Variants in CFAP90 observed in about 807,000 individuals in gnomAD.
The protein encoded by CFAP90 is cilia and flagella associated protein 90.
At chr5:7,831,786 T>G in the CFAP90 span, 8 of 1,510,226 alleles carry the variant, frequency 5.3e-6, no homozygotes, top group Non-Finnish European at 7.2e-6. Context: ...GATGCCACCT[T>G]CTCGCTGTGC....
At chr5:7,842,009 C>G in the CFAP90 span, among the ~76,000 whole-genome samples, 1 of 152,088 alleles carries the variant, frequency 6.6e-6, no homozygotes, top group Non-Finnish European at 1.5e-5. Context: ...TGGTGACACC[C>G]AGATTTCAGG....
At chr5:7,834,655 T>C in the CFAP90 span, among the ~76,000 whole-genome samples, 8 of 152,116 alleles carry the variant, frequency 5.3e-5, no homozygotes, top group African/African-American at 1.9e-4. Context: ...TACACAAGTG[T>C]ATCATTTTTA....
At chr5:7,850,802 GC>G in the CFAP90 span, 4 of 651,102 alleles carry the variant, frequency 6.1e-6, no homozygotes, top group Non-Finnish European at 7.4e-6. Flanking sequence ...CCGCCCAGCC[GC>G]CCAGCCGCCC....
chr5:7,842,054 C>T, the CFAP90 span, among the ~76,000 whole-genome samples: 1 of 152,092 alleles, frequency 6.6e-6, no homozygotes, highest in Non-Finnish European at 1.5e-5. Context: ...GAAGAAATTT[C>T]TGTTGTTTTA....
the CFAP90 span, among the ~76,000 whole-genome samples, chr5:7,833,652 C>A: frequency 6.6e-6 from 1 of 152,172 alleles, no homozygotes; most frequent in East Asian, 1.9e-4. Flanking sequence ...CACATGTACA[C>A]ACATGTATGC....
the CFAP90 span, among the ~76,000 whole-genome samples, chr5:7,836,011 C>T: frequency 3.3e-5 from 5 of 152,188 alleles, 1 homozygote; most frequent in South Asian, 1.0e-3. Context: ...GGTGTCTTCT[C>T]CCTGTATCCT....
At chr5:7,835,365 TTC>T in the CFAP90 span, 1 of 1,384,102 alleles carries the variant, frequency 7.2e-7, no homozygotes, top group Admixed American at 1.9e-5. Context: ...CTTGTTAATA[TTC>T]TGTCTTAATA....
chr5:7,831,818 A>G, the CFAP90 span: 1 of 1,589,878 alleles, frequency 6.3e-7, no homozygotes, highest in Middle Eastern at 2.2e-4. Flanking sequence ...GCCACAGGGT[A>G]TCGGACATGC....
chr5:7,847,743 C>T, the CFAP90 span, among the ~76,000 whole-genome samples: 5 of 152,182 alleles, frequency 3.3e-5, no homozygotes, highest in African/African-American at 1.2e-4. Flanking sequence ...CATCTCTCTG[C>T]CCTTTGGTTA....
At chr5:7,841,062 C>T in the CFAP90 span, among the ~76,000 whole-genome samples, 1 of 152,070 alleles carries the variant, frequency 6.6e-6, no homozygotes, top group Non-Finnish European at 1.5e-5. Flanking sequence ...AGACAACCTA[C>T]AGAATGGGAG....
chr5:7,841,999 T>G, the CFAP90 span, among the ~76,000 whole-genome samples: 6 of 152,116 alleles, frequency 3.9e-5, no homozygotes, highest in Admixed American at 1.3e-4. Flanking sequence ...AAAAAAATCC[T>G]GGTGACACCC....
chr5:7,840,512 T>G, the CFAP90 span, among the ~76,000 whole-genome samples: 3 of 151,966 alleles, frequency 2.0e-5, no homozygotes. Flanking sequence ...ATAAGAGAGG[T>G]GTGCACAAAG....
At chr5:7,846,912 T>A in the CFAP90 span, among the ~76,000 whole-genome samples, 1 of 152,056 alleles carries the variant, frequency 6.6e-6, no homozygotes, top group Non-Finnish European at 1.5e-5. Flanking sequence ...CACCTGGCAA[T>A]TTTTGTATTT....
the CFAP90 span, among the ~76,000 whole-genome samples, chr5:7,838,777 T>G: frequency 6.6e-6 from 1 of 152,240 alleles, no homozygotes; most frequent in Middle Eastern, 3.4e-3. Flanking sequence ...AGACCTAGTC[T>G]CTAGAACTGA....
chr5:7,847,631 A>G, the CFAP90 span, among the ~76,000 whole-genome samples: 1 of 152,174 alleles, frequency 6.6e-6, no homozygotes, highest in Non-Finnish European at 1.5e-5. Context: ...TTGGCCAAGG[A>G]GCCTTGGTTT....
At chr5:7,835,493 T>C in the CFAP90 span, 1 of 1,525,714 alleles carries the variant, frequency 6.6e-7, no homozygotes, top group Non-Finnish European at 8.9e-7. Flanking sequence ...GGGAAATAAT[T>C]CCTGTCTAGG....
chr5:7,837,946 G>A, the CFAP90 span, among the ~76,000 whole-genome samples: 172 of 152,286 alleles, frequency 1.1e-3, 2 homozygotes, highest in Non-Finnish European at 1.8e-3. Context: ...CATTTTATGA[G>A]TTCACCAGAC....
At chr5:7,850,856 C>A in the CFAP90 span, 1 of 1,295,052 alleles carries the variant, frequency 7.7e-7, no homozygotes. Context: ...GGTCTCCGCG[C>A]CCAGTCCGCG....
chr5:7,850,923 C>T, the CFAP90 span: 4 of 1,360,302 alleles, frequency 2.9e-6, no homozygotes, highest in Admixed American at 5.8e-5. Flanking sequence ...CCAGGCGCCG[C>T]GGCGGGATGT....
Sources: gnomAD v4.1 joint callset for allele counts (sites outside exome capture counted in the v4.1 genomes callset) on GRCh38, gnomAD v4.1.1 for gene constraint, MANE v1.5 for transcripts, NCBI Gene and HGNC (gene_info 2026-07-23, HGNC 2026-07-21) for gene names.